Variants in SLC12A4 observed in about 807,000 individuals in gnomAD.
SLC12A4 encodes the protein electroneutral potassium-chloride cotransporter 1.
A neutral mutation model predicts 119.2 loss-of-function variants in SLC12A4; 84 were observed. The ratio of observed to expected loss-of-function variants is 0.70; its 90% CI spans 0.59 to 0.85. SLC12A4 has a LOEUF of 0.85. Ranked by LOEUF, SLC12A4 falls within the 40% of genes least tolerant of loss-of-function variation. The probability of loss-of-function intolerance (pLI) is 0.00; values close to 1 mark genes in which losing one functional copy is unlikely to be tolerated. For missense variants in SLC12A4, 1,298 were observed against 1,476.3 expected, an observed-to-expected ratio of 0.88 and a Z score of 1.98; for synonymous variants, 599 against 604.6, an observed-to-expected ratio of 0.99 and a Z score of 0.14.
In SLC12A4 at chr16:67,945,437, C is replaced by T; in HGVS notation, c.2964G>A (p.Lys988=). The change falls in exon 22 of 24, where the codon AAG becomes AAA. Residue 988 remains lysine, a synonymous_variant. Coordinates refer to ENST00000316341, the MANE Select transcript of SLC12A4 (RefSeq NM_005072.5). ...TGGGGTCCCAGGTCTCAGTCATGTA[C>T]TTGTCCCTGGTCCACGTCATCTGGA... ...DKIQMTWTRD[K]YMTETWDPSH... The T allele has an allele frequency of 6.2e-7, 1 of 1,614,144 alleles. No homozygotes were observed. The highest frequency in any genetic ancestry group is 8.5e-7 in the Non-Finnish European group (1 of 1,180,020).
chr16:67,951,872 A>G lies in SLC12A4; in HGVS notation c.1083T>C (p.Asn361=), dbSNP rs751065860. 3 of 1,613,774 alleles carry G rather than the reference A, an allele frequency of 1.9e-6. No individual in the cohort carries two copies. Among genetic ancestry groups the G allele is most frequent in the Middle Eastern group, 1.7e-4 (1 of 6,052 alleles). The change falls in exon 8 of 24, where the codon AAT becomes AAC. Residue 361 remains asparagine, a synonymous_variant. Transcript: ENST00000316341. This position sits in a 1 kb window ranked among gnomAD's most constrained non-coding sequence, Gnocchi z 5.2. ...CGGGGATGCCAGGGATCTCGGTCAC[A>G]TTGTTGAGCATGAAGTAGGGGTCAC... ...DSCDPYFMLN[N]VTEIPGIPGA...
chr16:67,956,925 A>C (rs2030295998), intron 5 of SLC12A4, among the ~76,000 whole-genome samples: 1 of 152,048 alleles, frequency 6.6e-6, no homozygotes, highest in East Asian at 1.9e-4. Flanking sequence ...CAAAAGGCGA[A>C]CAGTAGTGAT....
In SLC12A4 at chr16:67,966,861, G is replaced by A. The variant is rs1005399691; in HGVS notation, c.115+1578C>T. The A allele has an allele frequency of 5.9e-6, 9 of 1,537,488 alleles. No individual in the cohort carries two copies. In the East Asian group the frequency reaches 9.9e-5, roughly 17 times the overall value. ...AGTGGGAGGAGCTGGCCTAGCTTGC[G>A]GGGATCTAGCAGGACTCAGCCAATG... On this transcript the variant is annotated intron_variant, in intron 1 of 23. Transcript: ENST00000316341.
rs2058350636 is a variant in SLC12A4 at position 67,946,437 on chromosome 16, C to T, written c.2437+1G>A. The stretch of plus-strand genomic sequence containing the variant: ...CCACCAGGCCCCAGGCCTTCACACA[C>T]CAATGAAGGTCTTCCAGGCACGGGG... On this transcript the variant is annotated splice_donor_variant, in intron 18 of 23. Coordinates refer to ENST00000316341, the MANE Select transcript of SLC12A4 (RefSeq NM_005072.5). LOFTEE classifies it high-confidence loss of function. 6.2e-7 allele frequency: 1 copy of T among 1,604,888 alleles called. No homozygotes were observed. Among genetic ancestry groups the T allele is most frequent in the Non-Finnish European group, 8.5e-7 (1 of 1,179,772 alleles).
intron 5 of SLC12A4, among the ~76,000 whole-genome samples, chr16:67,955,210 G>C (rs971866855): frequency 6.6e-6 from 1 of 152,212 alleles, no homozygotes; most frequent in Non-Finnish European, 1.5e-5. Flanking sequence ...CTAAGGCCCC[G>C]CACAGTGCCT....
At chr16:67,946,110 T>C in intron 19 of SLC12A4, 28 bp from the exon 20 acceptor site, 1 of 1,612,792 alleles carries the variant, frequency 6.2e-7, no homozygotes, top group East Asian at 2.2e-5. Context: ...GTGGGCGGTT[T>C]GGTCACAGCT....
At chr16:67,946,389 C>G (rs778411029) in intron 18 of SLC12A4, 49 bp from the exon 19 acceptor site, 1 of 1,603,344 alleles carries the variant, frequency 6.2e-7, no homozygotes, top group East Asian at 2.2e-5. Context: ...CCTCCGCCCA[C>G]TGCCACCTCA....
At chr16:67,964,607 T>C (rs761812000) in intron 1 of SLC12A4, among the ~76,000 whole-genome samples, 4 of 152,086 alleles carry the variant, frequency 2.6e-5, no homozygotes, top group Non-Finnish European at 5.9e-5. Context: ...GCACACATCT[T>C]GGTGTTGGAT....
rs79522388 is a variant in SLC12A4, at chr16:67,955,353, G to A, written c.545-580C>T. ...CACAGGGGGACAAGAGTCATCTCAT[G>A]TTGCTGGTTGTATCTGCTGCTGAGA... On this transcript the variant is annotated intron_variant, in intron 5 of 23. Coordinates refer to ENST00000316341, the MANE Select transcript of SLC12A4 (RefSeq NM_005072.5). Among the ~76,000 whole-genome samples the A allele has an allele frequency of 5.5e-3, 831 of 152,354 alleles. 5 individuals are homozygous for A. Among genetic ancestry groups the A allele is most frequent in the East Asian group, 0.01 (53 of 5,190 alleles).
At chr16:67,966,865 A>T in intron 1 of SLC12A4, 2 of 1,532,936 alleles carry the variant, frequency 1.3e-6, no homozygotes, top group South Asian at 2.5e-5. Flanking sequence ...GCTTGCGGGG[A>T]TCTAGCAGGA....
At position 67,946,429 on chromosome 16, in the gene SLC12A4, T is replaced by A; in HGVS notation, c.2437+9A>T. 6.2e-7 allele frequency: 1 copy of A among 1,604,348 alleles called. No individual in the cohort carries two copies. The highest frequency in any genetic ancestry group is 8.5e-7 in the Non-Finnish European group (1 of 1,179,508). ...ACCCCTGCCCACCAGGCCCCAGGCC[T>A]TCACACACCAATGAAGGTCTTCCAG... On this transcript the variant is annotated intron_variant, in intron 18 of 23. Transcript: ENST00000316341.
chr16:67,945,308 G>A (rs959764958), intron 22 of SLC12A4, 61 bp downstream of exon 22: 1 of 1,572,784 alleles, frequency 6.4e-7, no homozygotes, highest in Non-Finnish European at 8.6e-7. Context: ...CTACTTGTCT[G>A]CCCCACCCCA....
In SLC12A4 at chr16:67,961,649, T is replaced by C; in HGVS notation, c.268A>G (p.Thr90Ala). 1.2e-6 allele frequency: 2 copies of C among 1,614,166 alleles called. No homozygotes were observed. Among genetic ancestry groups the C allele is most frequent in the Non-Finnish European group, 1.7e-6 (2 of 1,180,010 alleles). The part of the protein sequence containing the change: ...SSLLGKLVSY[T>A]NLTQGAKEHE... ...TCTTTGGCGCCCTGGGTGAGGTTGG[T>C]GTAGCTGACGAGCTTTCCCAGAAGA... The change falls in exon 3 of 24, where the codon ACC (threonine) becomes GCC (alanine). Residue 90 changes from threonine (T) to alanine (A), a missense_variant. Coordinates refer to ENST00000316341, the MANE Select transcript of SLC12A4 (RefSeq NM_005072.5).
intron 1 of SLC12A4, among the ~76,000 whole-genome samples, chr16:67,967,495 A>G (rs1184187174): frequency 6.6e-6 from 1 of 152,140 alleles, no homozygotes; most frequent in Non-Finnish European, 1.5e-5. Context: ...GCACAATTAC[A>G]CATGCATATG....
intron 5 of SLC12A4, among the ~76,000 whole-genome samples, chr16:67,955,975 G>A (rs1400845170): frequency 6.6e-6 from 1 of 152,054 alleles, no homozygotes; most frequent in Non-Finnish European, 1.5e-5. Flanking sequence ...TCAGGAGTTT[G>A]AGACCAGCCT....
chr16:67,944,679 C>G lies in SLC12A4; in HGVS notation c.*161G>C. 1 of 1,431,792 alleles carries G rather than the reference C, an allele frequency of 7.0e-7. No homozygotes were observed. Among genetic ancestry groups the G allele is most frequent in the Non-Finnish European group, 9.1e-7 (1 of 1,096,774 alleles). 88.7% of individuals were successfully genotyped at this position (1,431,792 alleles called of 1,614,324 possible). On this transcript the variant is annotated 3_prime_UTR_variant, in exon 24 of 24. Coordinates refer to ENST00000316341, the MANE Select transcript of SLC12A4 (RefSeq NM_005072.5). The surrounding 1 kb of genome is among the most constrained non-coding windows in gnomAD (Gnocchi z 6.6). ...CCTGGGATCCATCTCCATTTTGAGG[C>G]CCAGGCCTGGTTTCCAAGGAGACCT...
At position 67,945,254 on chromosome 16, in the gene SLC12A4, G is replaced by C. The variant is rs778651468; in HGVS notation, c.3033-34C>G. 3.0e-5 allele frequency: 46 copies of C among 1,552,906 alleles called. 3 individuals are homozygous for C. The highest frequency in any genetic ancestry group is 1.7e-6 in the Non-Finnish European group (2 of 1,147,050). On this transcript the variant is annotated intron_variant, in intron 22 of 23. Coordinates refer to ENST00000316341, the MANE Select transcript of SLC12A4 (RefSeq NM_005072.5). ...AGTGTAGCCAGTCACAGGTCGCCATGAGCCATCCTGCAAGGAGGGTCCCCA... is the reference window on the plus strand; with the variant it reads ...AGTGTAGCCAGTCACAGGTCGCCATCAGCCATCCTGCAAGGAGGGTCCCCA...
rs756197783 is a variant in SLC12A4 at position 67,951,030 on chromosome 16, T to C, written c.1328A>G (p.Asp443Gly). The change falls in exon 10 of 24, where the codon GAC (aspartate) becomes GGC (glycine). Residue 443 changes from aspartate (D) to glycine (G), a missense_variant. Coordinates refer to ENST00000316341, the MANE Select transcript of SLC12A4 (RefSeq NM_005072.5). This position sits in a 1 kb window ranked among gnomAD's most constrained non-coding sequence, Gnocchi z 5.2. ...GATAGACTTCTGGGCGTCACGAAGGTCCCCAGAGCGGTTTGAGCCAGCCAT... is the reference window on the plus strand; with the variant it reads ...GATAGACTTCTGGGCGTCACGAAGGCCCCCAGAGCGGTTTGAGCCAGCCAT... Reference protein sequence around the residue: ...GIMAGSNRSGDLRDAQKSIPV... With the variant: ...GIMAGSNRSGGLRDAQKSIPV... The C allele has an allele frequency of 5.6e-6, 9 of 1,613,600 alleles. No individual in the cohort carries two copies. Among genetic ancestry groups the C allele is most frequent in the Non-Finnish European group, 7.6e-6 (9 of 1,179,942 alleles).
intron 17 of SLC12A4, 76 bp from the exon 18 acceptor site, chr16:67,946,709 G>T (rs976346571): frequency 9.9e-6 from 15 of 1,507,590 alleles, no homozygotes; most frequent in African/African-American, 2.8e-5. Context: ...GGCCCCTCGG[G>T]AACAAAACGA....
Sources: allele counts gnomAD v4.1 joint callset (sites outside exome capture counted in the v4.1 genomes callset), GRCh38; gene constraint gnomAD v4.1.1; non-coding constraint Gnocchi (gnomAD v3.1); transcripts MANE v1.5; gene names NCBI Gene and HGNC (gene_info 2026-07-23, HGNC 2026-07-21).